Variants in NBEA observed in about 807,000 individuals in gnomAD.
NBEA encodes the protein neurobeachin.
NBEA carries 44 observed loss-of-function variants against 343.4 expected under a neutral mutation model. The observed-to-expected ratio is 0.13, with a 90% CI of 0.10 to 0.16. The LOEUF is 0.16. NBEA is among the 10% of genes least tolerant of loss of function. The pLI, the probability that NBEA is intolerant of heterozygous loss-of-function variation, is 1.00. For missense variants in NBEA, 2,555 were observed against 3,631.3 expected (o/e 0.70, Z 7.62); for synonymous variants, 1,175 against 1,238.7 (o/e 0.95, Z 1.08).
intron 39 of NBEA, among the ~76,000 whole-genome samples, chr13:35,444,266 T>C (rs2045882158): frequency 6.6e-6 from 1 of 152,054 alleles, no homozygotes; most frequent in Admixed American, 6.6e-5. Context: ...CTGAGAGGTA[T>C]ATTTATCTTA....
intron 36 of NBEA, among the ~76,000 whole-genome samples, chr13:35,312,713 T>C (rs1295681874): frequency 6.6e-6 from 1 of 152,174 alleles, no homozygotes; most frequent in Non-Finnish European, 1.5e-5. Flanking sequence ...AAGTATCTTT[T>C]GGAAATTAAG....
chr13:35,426,776 G>T (rs1377854800), intron 38 of NBEA, among the ~76,000 whole-genome samples: 2 of 152,106 alleles, frequency 1.3e-5, no homozygotes, highest in African/African-American at 4.8e-5. Context: ...ATCACTTTCA[G>T]GTACACCAAT....
intron 38 of NBEA, among the ~76,000 whole-genome samples, chr13:35,374,382 A>G (rs956258293): frequency 1.3e-5 from 2 of 152,226 alleles, no homozygotes; most frequent in African/African-American, 4.8e-5. Flanking sequence ...ACAGATTACC[A>G]TAACAGATAT....
At chr13:35,542,152 AC>A (rs10717012) in intron 41 of NBEA, among the ~76,000 whole-genome samples, 91,036 of 144,980 alleles carry the variant, frequency 0.63, 28,110 homozygotes, top group East Asian at 0.84. Flanking sequence ...ATGTTTTGAC[AC>A]CCCCCCCCCA....
At chr13:35,230,179 T>A (rs944156940) in intron 33 of NBEA, among the ~76,000 whole-genome samples, 1 of 152,100 alleles carries the variant, frequency 6.6e-6, no homozygotes, top group African/African-American at 2.4e-5. Flanking sequence ...TCTATTACCC[T>A]TTAGTCAAGA....
chr13:35,507,418 C>T (rs190690100), intron 41 of NBEA, among the ~76,000 whole-genome samples: 160 of 152,140 alleles, frequency 1.1e-3, no homozygotes, highest in African/African-American at 3.8e-3. Context: ...CTTTCTTGAA[C>T]TTCAGGCTCT....
chr13:35,086,492 C>T (rs927876667), intron 10 of NBEA, among the ~76,000 whole-genome samples: 8 of 152,098 alleles, frequency 5.3e-5, no homozygotes, highest in South Asian at 4.1e-4. Context: ...TTTTTACTAT[C>T]TGCCTCCATG....
At chr13:35,506,432 T>G (rs7332538) in intron 41 of NBEA, among the ~76,000 whole-genome samples, 1 of 151,538 alleles carries the variant, frequency 6.6e-6, no homozygotes, top group Non-Finnish European at 1.5e-5. Flanking sequence ...ATACTTAGAA[T>G]TTTTTTTTTA....
At chr13:35,603,059 A>G (rs1566393262) in intron 47 of NBEA, among the ~76,000 whole-genome samples, 1 of 152,332 alleles carries the variant, frequency 6.6e-6, no homozygotes, top group South Asian at 2.1e-4. Flanking sequence ...AATAAGCAAG[A>G]TAACATTTTT....
intron 45 of NBEA, among the ~76,000 whole-genome samples, chr13:35,574,392 A>AAAG (rs1555306401): frequency 8.2e-6 from 1 of 121,262 alleles, no homozygotes; most frequent in African/African-American, 3.6e-5. Context: ...AAAAAAAAGA[A>AAAG]AAACAAAAGA....
At chr13:35,541,245 C>T (rs187566808) in intron 41 of NBEA, among the ~76,000 whole-genome samples, 22 of 151,614 alleles carry the variant, frequency 1.5e-4, no homozygotes, top group African/African-American at 5.3e-4. Flanking sequence ...TGTGTTGTTC[C>T]TTCTGCTTGG....
chr13:35,073,662 T>TG (rs1385105395), intron 10 of NBEA, among the ~76,000 whole-genome samples: 1 of 152,028 alleles, frequency 6.6e-6, no homozygotes, highest in Non-Finnish European at 1.5e-5. Context: ...AATTATTGGC[T>TG]GGGGGTGGTG....
chr13:35,562,714 C>A (rs1031718180), intron 44 of NBEA, among the ~76,000 whole-genome samples: 16 of 151,998 alleles, frequency 1.1e-4, no homozygotes, highest in African/African-American at 3.9e-4. Flanking sequence ...ATTAAAAATT[C>A]TTTCCTAATG....
At chr13:35,501,930 TA>T in intron 41 of NBEA, among the ~76,000 whole-genome samples, 1 of 152,158 alleles carries the variant, frequency 6.6e-6, no homozygotes, top group Non-Finnish European at 1.5e-5. Flanking sequence ...TGTGTGTGCA[TA>T]CATGTGTATA....
intron 38 of NBEA, among the ~76,000 whole-genome samples, chr13:35,382,120 A>G (rs998645560): frequency 1.4e-4 from 22 of 152,092 alleles, no homozygotes; most frequent in Non-Finnish European, 3.1e-4. Flanking sequence ...GTGAGGGGAA[A>G]CATCTTATAT....
At chr13:35,579,648 TC>T (rs2080917070) in intron 45 of NBEA, among the ~76,000 whole-genome samples, 1 of 152,092 alleles carries the variant, frequency 6.6e-6, no homozygotes, top group African/African-American at 2.4e-5. Context: ...AGTATGTATT[TC>T]CCATTAAAAA....
intron 10 of NBEA, among the ~76,000 whole-genome samples, chr13:35,090,461 G>C (rs994103253): frequency 6.6e-6 from 1 of 151,942 alleles, no homozygotes; most frequent in African/African-American, 2.4e-5. Context: ...TAGCATACTT[G>C]GTTTCTTAGC....
chr13:35,498,756 T>A (rs2076777799), intron 41 of NBEA, among the ~76,000 whole-genome samples: 1 of 152,118 alleles, frequency 6.6e-6, no homozygotes, highest in Non-Finnish European at 1.5e-5. Flanking sequence ...TTTATTCATG[T>A]TATAGTTTAA....
At chr13:35,091,109 A>T (rs576345113) in intron 10 of NBEA, among the ~76,000 whole-genome samples, 1 of 152,080 alleles carries the variant, frequency 6.6e-6, no homozygotes, top group South Asian at 2.1e-4. Flanking sequence ...TCACCAATGG[A>T]AGGCTATAGA....
Sources: allele counts gnomAD v4.1 joint callset (sites outside exome capture counted in the v4.1 genomes callset), GRCh38; gene constraint gnomAD v4.1.1; transcripts MANE v1.5; gene names NCBI Gene and HGNC (gene_info 2026-07-23, HGNC 2026-07-21).